The following GAK variants were observed in gnomAD, a reference collection of about 807,000 sequenced individuals.
The protein encoded by GAK is cyclin G associated kinase.
GAK carries 79 observed loss-of-function variants against 143.9 expected under a neutral mutation model. The observed-to-expected ratio is 0.55, with a 90% CI of 0.46 to 0.66. GAK has a LOEUF of 0.66. Ranked by LOEUF, GAK falls within the 30% of genes least tolerant of loss-of-function variation. The pLI is 0.00. For missense variants in GAK, 1,693 were observed against 1,779.7 expected, an observed-to-expected ratio of 0.95 and a Z score of 0.88; for synonymous variants, 881 against 765.5, an observed-to-expected ratio of 1.15 and a Z score of -2.49.
At position 867,317 on chromosome 4, in the gene GAK, G is replaced by A. The variant is rs1560307946; in HGVS notation, c.2511C>T (p.Ser837=). 2 of 1,611,188 alleles carry A rather than the reference G, an allele frequency of 1.2e-6. No homozygotes were observed. The highest frequency in any genetic ancestry group is 2.2e-5 in the East Asian group (1 of 44,806). ...CGGCCCTGGGTTCCTGGCCCTCGCT[G>A]GAGATCGGGGATCCCCCTTCATCTG... The part of the protein sequence containing the change: ...EVSDEGGSPI[S]SEGQEPRADP... The change falls in exon 21 of 28, where the codon TCC becomes TCT. Residue 837 remains serine (S), a synonymous_variant. Coordinates refer to ENST00000314167, the MANE Select transcript of GAK (RefSeq NM_005255.4).
chr4:914,241 GCCC>G (rs1188064751), intron 1 of GAK, among the ~76,000 whole-genome samples: 3 of 24,420 alleles, frequency 1.2e-4, no homozygotes, highest in African/African-American at 1.9e-4. Flanking sequence ...AGCGTGCACG[GCCC>G]CCCCCCACAC....
chr4:897,169 C>T (rs184145216), intron 6 of GAK, among the ~76,000 whole-genome samples: 11 of 152,254 alleles, frequency 7.2e-5, no homozygotes, highest in Non-Finnish European at 1.3e-4. Context: ...TCTCCGTGCA[C>T]GGCAGACACA....
intron 13 of GAK, 104 bp downstream of exon 13, chr4:883,210 GC>G (rs2152816421): frequency 1.5e-6 from 2 of 1,359,756 alleles, no homozygotes; most frequent in African/African-American, 1.5e-5. Flanking sequence ...ACCTCCGGCC[GC>G]CCCCATCACA....
At chr4:906,094 C>T (rs1005199147) in intron 4 of GAK, among the ~76,000 whole-genome samples, 3 of 152,282 alleles carry the variant, frequency 2.0e-5, no homozygotes, top group East Asian at 3.9e-4. Context: ...GCTGGCGTGC[C>T]GTTAACATGA....
chr4:871,329 G>A (rs1712572043), intron 18 of GAK, among the ~76,000 whole-genome samples: 1 of 152,210 alleles, frequency 6.6e-6, no homozygotes, highest in African/African-American at 2.4e-5. Flanking sequence ...GGGACCCCAG[G>A]GTTCCAAGGC....
At chr4:899,028 C>T (rs950191215) in intron 5 of GAK, among the ~76,000 whole-genome samples, 1 of 152,228 alleles carries the variant, frequency 6.6e-6, no homozygotes, top group Non-Finnish European at 1.5e-5. Flanking sequence ...AGAGGCTGCA[C>T]GCGTGACAAG....
chr4:899,850 G>A (rs1719525281), intron 5 of GAK, among the ~76,000 whole-genome samples: 1 of 152,218 alleles, frequency 6.6e-6, no homozygotes, highest in Non-Finnish European at 1.5e-5. Flanking sequence ...ATAAACAAGG[G>A]AAAGAAACGG....
At chr4:857,091 C>T (rs1749421625) in intron 24 of GAK, among the ~76,000 whole-genome samples, 1 of 152,198 alleles carries the variant, frequency 6.6e-6, no homozygotes, top group Admixed American at 6.5e-5. Context: ...ATGGCAAAAC[C>T]ACAATTACTT....
intron 5 of GAK, among the ~76,000 whole-genome samples, chr4:898,660 G>A (rs539271917): frequency 2.0e-5 from 3 of 152,310 alleles, no homozygotes; most frequent in South Asian, 2.1e-4. Flanking sequence ...TCAGGAGTTC[G>A]AGACACGCCT....
intron 24 of GAK, chr4:859,266 G>A (rs1057248737): frequency 2.2e-5 from 27 of 1,239,264 alleles, no homozygotes; most frequent in African/African-American, 1.7e-4. Context: ...GCACAGCCTC[G>A]GGGACTGAGC....
At chr4:907,968 T>TGCG (rs1202488908) in intron 4 of GAK, among the ~76,000 whole-genome samples, 1 of 152,186 alleles carries the variant, frequency 6.6e-6, no homozygotes. Flanking sequence ...GGGTCAGCGA[T>TGCG]GAGCCGCTGG....
intron 11 of GAK, 192 bp from the exon 12 acceptor site, chr4:884,278 C>G: frequency 1.8e-6 from 1 of 570,502 alleles, no homozygotes; most frequent in East Asian, 3.1e-5. Flanking sequence ...GGAGCTGACC[C>G]CTACATCAGA....
At chr4:878,767 G>A (rs1172272194) in intron 15 of GAK, among the ~76,000 whole-genome samples, 1 of 152,204 alleles carries the variant, frequency 6.6e-6, no homozygotes, top group Admixed American at 6.5e-5. Context: ...CGTGGCTGGC[G>A]TTCCCGTGGT....
At chr4:857,925 G>A (rs1749580378) in intron 24 of GAK, among the ~76,000 whole-genome samples, 1 of 152,200 alleles carries the variant, frequency 6.6e-6, no homozygotes, top group Non-Finnish European at 1.5e-5. Flanking sequence ...ATGGGGCCCT[G>A]GGCTTTCCTA....
In GAK at chr4:893,478, G is replaced by A; in HGVS notation, c.889C>T (p.Gln297Ter). The A allele has an allele frequency of 6.4e-7, 1 of 1,572,306 alleles. No homozygotes were observed. The highest frequency in any genetic ancestry group is 8.6e-7 in the Non-Finnish European group (1 of 1,161,862). Residue 297 changes from glutamine to a stop codon, truncating the protein, a stop_gained, in exon 9 of 28, where the codon CAG (glutamine) becomes TAG (stop). Coordinates refer to ENST00000314167, the MANE Select transcript of GAK (RefSeq NM_005255.4). LOFTEE classifies it high-confidence loss of function. ...GACAGCCGCTCCTCCGGGTTCACCTGCAGCATGGCGCCTGCAGCAGAAGCA... is the reference window on the plus strand; with the variant it reads ...GACAGCCGCTCCTCCGGGTTCACCTACAGCATGGCGCCTGCAGCAGAAGCA... The part of the protein sequence containing the change: ...VFHSLIRAML[Q>*]VNPEERLSIA...
intron 11 of GAK, chr4:888,495 G>A (rs747310021): frequency 1.4e-4 from 37 of 260,806 alleles, no homozygotes; most frequent in Non-Finnish European, 2.3e-4. Context: ...CTCAAGGACT[G>A]GCTCAGTGAG....
At chr4:868,844 G>A (rs916010502) in intron 19 of GAK, 159 bp from the exon 20 acceptor site, 7 of 704,566 alleles carry the variant, frequency 9.9e-6, no homozygotes, top group Non-Finnish European at 2.3e-6. Flanking sequence ...GGGGCTCTCT[G>A]AACAGATTCC....
chr4:888,757 G>C, intron 11 of GAK, 90 bp downstream of exon 11: 1 of 1,485,754 alleles, frequency 6.7e-7, no homozygotes, highest in Non-Finnish European at 9.1e-7. Flanking sequence ...CTGATGACCA[G>C]CTGTTCCACC....
chr4:910,468 TC>T (rs1721857772), intron 4 of GAK, among the ~76,000 whole-genome samples: 2 of 148,912 alleles, frequency 1.3e-5, no homozygotes, highest in South Asian at 2.1e-4. Context: ...AGTGCAGGGG[TC>T]CCCCCTCAGC....
Sources: gnomAD v4.1 joint callset for allele counts (sites outside exome capture counted in the v4.1 genomes callset) on GRCh38, gnomAD v4.1.1 for gene constraint, MANE v1.5 for transcripts, NCBI Gene and HGNC (gene_info 2026-07-23, HGNC 2026-07-21) for gene names.